RICTOR: variants seen among roughly 807,000 people sequenced by gnomAD.
RICTOR encodes the protein RPTOR independent companion of MTOR complex 2, also known as rapamycin-insensitive companion of mTOR.
A neutral mutation model predicts 214.9 loss-of-function variants in RICTOR; 49 were observed. That is an observed-to-expected ratio of 0.23 (90% CI 0.18 to 0.29). The LOEUF (loss-of-function observed/expected upper bound fraction) is 0.29. RICTOR is among the 10% of genes least tolerant of loss of function. The pLI, the probability that RICTOR is intolerant of heterozygous loss-of-function variation, is 1.00. For missense variants in RICTOR, 1,625 were observed against 2,047.0 expected, an observed-to-expected ratio of 0.79 and a Z score of 3.98; for synonymous variants, 717 against 711.3, an observed-to-expected ratio of 1.01 and a Z score of -0.13.
At chr5:39,043,774 A>G (rs1757318459) in intron 2 of RICTOR, among the ~76,000 whole-genome samples, 1 of 152,088 alleles carries the variant, frequency 6.6e-6, no homozygotes, top group Admixed American at 6.6e-5. Flanking sequence ...CTCATGAATG[A>G]GTTATCACAG....
At chr5:38,962,743 A>G in intron 17 of RICTOR, 133 bp downstream of exon 17, 1 of 849,682 alleles carries the variant, frequency 1.2e-6, no homozygotes, top group Non-Finnish European at 1.8e-6. Context: ...TCCAAATTAT[A>G]AAACTCAGAA....
chr5:39,060,557 A>T (rs1026097806), intron 2 of RICTOR, among the ~76,000 whole-genome samples: 1 of 151,920 alleles, frequency 6.6e-6, no homozygotes, highest in African/African-American at 2.4e-5. Context: ...CCAACACAAA[A>T]ATCAATATTC....
chr5:39,045,713 T>C (rs1757441784), intron 2 of RICTOR, among the ~76,000 whole-genome samples: 1 of 152,194 alleles, frequency 6.6e-6, no homozygotes, highest in African/African-American at 2.4e-5. Flanking sequence ...GCTACTTTCA[T>C]GCTTCTGCTT....
At chr5:39,031,228 T>G (rs1756249867) in intron 2 of RICTOR, among the ~76,000 whole-genome samples, 1 of 152,210 alleles carries the variant, frequency 6.6e-6, no homozygotes, top group Non-Finnish European at 1.5e-5. Context: ...CTGACCAGGT[T>G]TGTTGATAAC....
intron 11 of RICTOR, chr5:38,970,486 A>T (rs1347692811): frequency 6.6e-6 from 1 of 152,194 alleles, no homozygotes; most frequent in East Asian, 1.9e-4. Flanking sequence ...GAAGTGAATT[A>T]TCTCAAGTTT....
At chr5:38,980,903 C>G (rs1026668008) in intron 8 of RICTOR, 1 of 151,926 alleles carries the variant, frequency 6.6e-6, no homozygotes, top group African/African-American at 2.4e-5. Flanking sequence ...ATTCATCTCT[C>G]CAATTTTAAA....
At chr5:38,958,257 T>A (rs909049789) in intron 24 of RICTOR, among the ~76,000 whole-genome samples, 186 bp downstream of exon 24, 1 of 150,424 alleles carries the variant, frequency 6.6e-6, no homozygotes, top group Non-Finnish European at 1.5e-5. Flanking sequence ...GAAAATGTCA[T>A]GAAAAGTATG....
intron 26 of RICTOR, 158 bp from the exon 27 acceptor site, chr5:38,955,019 A>G: frequency 2.1e-6 from 1 of 466,668 alleles, no homozygotes; most frequent in Non-Finnish European, 3.7e-6. Flanking sequence ...TTCTCAGGTA[A>G]AATATAGGCT....
At chr5:39,000,435 TAA>T (rs1249667775) in intron 5 of RICTOR, among the ~76,000 whole-genome samples, 2 of 151,962 alleles carry the variant, frequency 1.3e-5, no homozygotes, top group African/African-American at 4.8e-5. Flanking sequence ...GCAAGGAAAT[TAA>T]GTTACATATA....
chr5:39,006,096 T>G (rs756565552), intron 3 of RICTOR, among the ~76,000 whole-genome samples: 9 of 152,184 alleles, frequency 5.9e-5, no homozygotes, highest in Non-Finnish European at 1.3e-4. Context: ...TCGGCAACAG[T>G]ATTTCTGGGC....
In RICTOR at chr5:38,962,978, C is replaced by T. The variant is rs1334100019; in HGVS notation, c.1464G>A (p.Lys488=). The change falls in exon 17 of 38, where the codon AAG becomes AAA. Residue 488 remains lysine, a synonymous_variant. Coordinates refer to ENST00000357387, the MANE Select transcript of RICTOR (RefSeq NM_152756.5). ...TGTGGTCTAAATGAAGACTATAAGG[C>T]TTAGGTCCTCGTTTCTTCATTTCAT... is the stretch of plus-strand genomic sequence containing the variant. The part of the protein sequence containing the change: ...RFHEMKKRGP[K]PYSLHLDHII... The T allele has an allele frequency of 8.1e-6, 13 of 1,612,760 alleles. No homozygotes were observed. Among genetic ancestry groups the T allele is most frequent in the Non-Finnish European group, 1.1e-5 (13 of 1,179,082 alleles).
intron 2 of RICTOR, among the ~76,000 whole-genome samples, chr5:39,056,061 C>A (rs998961183): frequency 1.3e-5 from 2 of 152,142 alleles, no homozygotes; most frequent in Non-Finnish European, 2.9e-5. Flanking sequence ...AGATAATTAG[C>A]CAGTTTGAAA....
At chr5:38,966,800 A>AT (rs1561470258) in intron 14 of RICTOR, 79 bp from the exon 15 acceptor site, 92 of 658,398 alleles carry the variant, frequency 1.4e-4, no homozygotes, top group East Asian at 3.6e-4. Flanking sequence ...TATTTTTCAA[A>AT]ATTTTTTTTT....
chr5:39,044,286 C>T (rs546477467), intron 2 of RICTOR, among the ~76,000 whole-genome samples: 14 of 151,702 alleles, frequency 9.2e-5, no homozygotes, highest in African/African-American at 1.7e-4. Context: ...AAAGCAAGAA[C>T]GAAAAAAAAT....
intron 30 of RICTOR, among the ~76,000 whole-genome samples, 160 bp from the exon 31 acceptor site, chr5:38,950,880 T>C (rs546871783): frequency 3.3e-5 from 5 of 152,102 alleles, no homozygotes; most frequent in African/African-American, 1.2e-4. Context: ...ATATCTTTCT[T>C]GAAACCCAGA....
chr5:38,960,336 G>A, intron 20 of RICTOR, 62 bp downstream of exon 20: 1 of 1,492,572 alleles, frequency 6.7e-7, no homozygotes, highest in South Asian at 1.2e-5. Flanking sequence ...GAAACAGAGG[G>A]AGGGTAAGGG....
intron 3 of RICTOR, among the ~76,000 whole-genome samples, chr5:39,015,314 C>G (rs980768260): frequency 2.6e-5 from 4 of 152,108 alleles, no homozygotes; most frequent in Admixed American, 6.6e-5. Flanking sequence ...TATAGGAATA[C>G]TAGTTACCTA....
intron 3 of RICTOR, among the ~76,000 whole-genome samples, chr5:39,016,109 G>A (rs1198412171): frequency 1.3e-5 from 2 of 152,140 alleles, no homozygotes; most frequent in Non-Finnish European, 2.9e-5. Context: ...AATAAGTTTG[G>A]CTATCAGGAT....
intron 25 of RICTOR, among the ~76,000 whole-genome samples, chr5:38,957,140 T>C (rs922745891): frequency 1.3e-5 from 2 of 152,144 alleles, no homozygotes; most frequent in South Asian, 4.1e-4. Flanking sequence ...AGTTGTTTCA[T>C]ATCTTCAAAC....
Sources: allele counts gnomAD v4.1 joint callset (sites outside exome capture counted in the v4.1 genomes callset), GRCh38; gene constraint gnomAD v4.1.1; transcripts MANE v1.5; gene names NCBI Gene and HGNC (gene_info 2026-07-23, HGNC 2026-07-21).